The following BCL9 variants were observed in gnomAD, a reference collection of about 807,000 sequenced individuals.
The protein encoded by BCL9 is BCL9 transcription coactivator.
BCL9 carries 25 observed loss-of-function variants against 88.5 expected under a neutral mutation model. That is an observed-to-expected ratio of 0.28 (90% CI 0.21 to 0.39). The LOEUF (loss-of-function observed/expected upper bound fraction) is 0.39. BCL9 is among the 10% of genes least tolerant of loss of function. The pLI, the probability that BCL9 is intolerant of heterozygous loss-of-function variation, is 1.00. For synonymous variants in BCL9, 711 were observed against 673.3 expected (o/e 1.06, Z -0.87); for missense variants, 1,817 against 1,877.8 (o/e 0.97, Z 0.60).
chr1:147,575,263 G>T lies in BCL9; in HGVS notation c.-477-29514G>T, dbSNP rs1424956238. ...TCTTGCCTTGAGCATCACTCCTCTA[G>T]AAAGCTACTTCTGATCCCTAGACCA... On this transcript the variant is annotated intron_variant, in intron 1 of 9. Coordinates refer to ENST00000234739, the MANE Select transcript of BCL9 (RefSeq NM_004326.4). Among the ~76,000 whole-genome samples, 5 of 152,286 alleles carry T rather than the reference G, an allele frequency of 3.3e-5. No individual in the cohort carries two copies. The East Asian group carries it at 9.6e-4, about 29-fold the overall frequency.
In BCL9 at chr1:147,611,593, C is replaced by T; in HGVS notation, c.-244C>T. The T allele has an allele frequency of 3.7e-6, 2 of 543,190 alleles. No individual in the cohort carries two copies. The highest frequency in any genetic ancestry group is 2.6e-5 in the South Asian group (1 of 38,150). 33.6% of individuals were successfully genotyped at this position (543,190 alleles called of 1,614,324 possible). On this transcript the variant is annotated 5_prime_UTR_variant, in exon 4 of 10. The change creates a premature stop within an existing upstream ORF in the 5' untranslated region. Transcript: ENST00000234739. ...TTTCCTGTAGTATGCCCTGGAGATG[C>T]GAGATTTTCCTCTGGCAGCAGGAGG...
intron 7 of BCL9, among the ~76,000 whole-genome samples, chr1:147,616,963 A>T (rs1658313284): frequency 6.6e-6 from 1 of 152,218 alleles, no homozygotes; most frequent in African/African-American, 2.4e-5. Flanking sequence ...AAACATGGGA[A>T]AAGTTAATTG....
chr1:147,570,630 C>CTTTTCTTTTTT lies in BCL9; in HGVS notation c.-478+28960_-478+28961insCTTTTTTTTTT, dbSNP rs1357272075. 6.2e-3 allele frequency among the ~76,000 whole-genome samples: 94 copies of CTTTTCTTTTTT among 15,046 alleles called. 9 individuals carry two copies. The highest frequency in any genetic ancestry group is 0.029 in the Middle Eastern group (1 of 34). The allele number at this position is 15,046 out of a possible 152,430, so 9.9% of individuals were successfully genotyped here. On this transcript the variant is annotated intron_variant, in intron 1 of 9. Coordinates refer to ENST00000234739, the MANE Select transcript of BCL9 (RefSeq NM_004326.4). ...TAACACAAAATTGTTGACTGATTTT[C>CTTTTCTTTTTT]TTTTTTTTCTTTTTTTTTTTTGTAG... is the stretch of plus-strand genomic sequence containing the variant.
chr1:147,609,552 G>A (rs1657899307), intron 3 of BCL9, among the ~76,000 whole-genome samples: 1 of 152,230 alleles, frequency 6.6e-6, no homozygotes, highest in South Asian at 2.1e-4. Flanking sequence ...TAAAATGCCT[G>A]TCAATCAAAG....
At chr1:147,577,627 G>T (rs1204259126) in intron 1 of BCL9, among the ~76,000 whole-genome samples, 3 of 152,140 alleles carry the variant, frequency 2.0e-5, no homozygotes, top group Non-Finnish European at 2.9e-5. Context: ...AACCACTAGA[G>T]CTGGAACAAA....
intron 1 of BCL9, among the ~76,000 whole-genome samples, chr1:147,578,645 C>T (rs1331103081): frequency 6.6e-6 from 1 of 152,206 alleles, no homozygotes; most frequent in African/African-American, 2.4e-5. Flanking sequence ...TGACAATTTC[C>T]TACCCCTGGA....
In BCL9 at chr1:147,618,831, G is replaced by A; in HGVS notation, c.676G>A (p.Ala226Thr). The change falls in exon 8 of 10, where the codon GCC becomes ACC. Residue 226 changes from alanine to threonine, a missense_variant. By Grantham distance (58) the Ala-to-Thr change is moderately conservative. Coordinates refer to ENST00000234739, the MANE Select transcript of BCL9 (RefSeq NM_004326.4). The stretch of plus-strand genomic sequence containing the variant: ...TTGTCTTCAGAACACACAGATATCT[G>A]CCCTTCGGAATGATCCGAAACCTCT... ...STAPLNTQIS[A>T]LRNDPKPLPQ... is the part of the protein sequence containing the mutation. 1 of 1,554,502 alleles carries A rather than the reference G, an allele frequency of 6.4e-7. No homozygotes were observed. Among genetic ancestry groups the A allele is most frequent in the Non-Finnish European group, 8.7e-7 (1 of 1,152,490 alleles).
At chr1:147,622,219 T>G (rs1166012762) in intron 8 of BCL9, 52 bp from the exon 9 acceptor site, 1 of 1,608,684 alleles carries the variant, frequency 6.2e-7, no homozygotes, top group African/African-American at 1.3e-5. Context: ...CCAATACCCT[T>G]CAAAAGGAAT....
rs782489189 is a variant in BCL9, at chr1:147,619,032, G to C, written c.877G>C (p.Ala293Pro). The stretch of plus-strand genomic sequence containing the variant: ...ACTGATTCCTTCTGTAGGAAGTCCT[G>C]CCAGCTCCACTCCACTGCCCCCAGA... The part of the protein sequence containing the change: ...NKLIPSVGSP[A>P]SSTPLPPDGT... Residue 293 changes from alanine (A) to proline (P), a missense_variant, in exon 8 of 10, where the codon GCC (alanine) becomes CCC (proline). Ala to Pro is a conservative substitution (Grantham distance 27). This residue lies in a region of BCL9 where 1,228 missense variants were observed against 1,191.6 expected (regional missense o/e 1.03). Transcript: ENST00000234739. This position sits in a 1 kb window ranked among gnomAD's most constrained non-coding sequence, Gnocchi z 4.1. The C allele has an allele frequency of 4.3e-6, 7 of 1,609,882 alleles. No homozygotes were observed. The highest frequency in any genetic ancestry group is 1.7e-4 in the Middle Eastern group (1 of 6,044).
intron 1 of BCL9, among the ~76,000 whole-genome samples, chr1:147,556,105 T>C (rs1469095873): frequency 6.6e-6 from 1 of 152,042 alleles, no homozygotes; most frequent in Non-Finnish European, 1.5e-5. Context: ...TTTACAATTA[T>C]TTATTTATTT....
chr1:147,620,801 C>T lies in BCL9; in HGVS notation c.2646C>T (p.Asn882=). The T allele has an allele frequency of 6.2e-7, 1 of 1,614,176 alleles. No individual in the cohort carries two copies. Among genetic ancestry groups the T allele is most frequent in the Non-Finnish European group, 8.5e-7 (1 of 1,180,040 alleles). The change falls in exon 8 of 10, where the codon AAC becomes AAT. Residue 882 remains asparagine (N), a synonymous_variant. Coordinates refer to ENST00000234739, the MANE Select transcript of BCL9 (RefSeq NM_004326.4). ...CAATGCTGGGCTCGCCCTCGGGGAA[C>T]CTCAAGTCCCCCCAGACTCCATCGC... ...QSPMLGSPSG[N]LKSPQTPSQL... is the part of the protein sequence containing the mutation.
chr1:147,542,243 G>C (rs950476921), intron 1 of BCL9, among the ~76,000 whole-genome samples: 1 of 152,182 alleles, frequency 6.6e-6, no homozygotes, highest in African/African-American at 2.4e-5. Flanking sequence ...CCCCAGCCCA[G>C]ACTCTCCGAG....
At chr1:147,558,317 C>A (rs1178457892) in intron 1 of BCL9, among the ~76,000 whole-genome samples, 4 of 152,208 alleles carry the variant, frequency 2.6e-5, no homozygotes, top group Admixed American at 6.5e-5. Flanking sequence ...TTGCCCAGAA[C>A]TCAGAGCTAA....
chr1:147,553,126 A>C (rs1331845207), intron 1 of BCL9, among the ~76,000 whole-genome samples: 1 of 152,146 alleles, frequency 6.6e-6, no homozygotes, highest in African/African-American at 2.4e-5. Flanking sequence ...TTGTTCAGTT[A>C]TATTGAGTTT....
At chr1:147,594,127 G>C (rs1656951179) in intron 1 of BCL9, among the ~76,000 whole-genome samples, 1 of 152,164 alleles carries the variant, frequency 6.6e-6, no homozygotes, top group Admixed American at 6.5e-5. Flanking sequence ...AATTAGAAAG[G>C]AATAGACAAT....
chr1:147,570,730 G>A (rs1272381827), intron 1 of BCL9, among the ~76,000 whole-genome samples: 20 of 148,134 alleles, frequency 1.4e-4, no homozygotes, highest in Admixed American at 4.8e-4. Flanking sequence ...CTGCCTCCCG[G>A]GTTCAAGCGA....
intron 1 of BCL9, among the ~76,000 whole-genome samples, chr1:147,551,409 G>A (rs1654899709): frequency 6.6e-6 from 1 of 152,220 alleles, no homozygotes; most frequent in African/African-American, 2.4e-5. Flanking sequence ...TTGAATGAAG[G>A]ATAGTGGCAG....
rs73009886 is a variant in BCL9 at position 147,618,776 on chromosome 1, C to G, written c.661-40C>G. On this transcript the variant is annotated intron_variant, in intron 7 of 9. Transcript: ENST00000234739. Reference sequence around the variant, plus strand: ...TTGCTCTTTTAATTGCCCTTCTGTTCAGTTTACTAATGATTTTTAAACTAT... The same window carrying G: ...TTGCTCTTTTAATTGCCCTTCTGTTGAGTTTACTAATGATTTTTAAACTAT... 7.5e-6 allele frequency: 11 copies of G among 1,469,608 alleles called. No homozygotes were observed. The East Asian group carries it at 2.6e-4, about 35-fold the overall frequency. The allele number at this position is 1,469,608 out of a possible 1,614,324, so 91.0% of individuals were successfully genotyped here. A position where few individuals can be genotyped will look rare whatever the true frequency, so the allele number is the denominator to read the frequency against.
intron 1 of BCL9, among the ~76,000 whole-genome samples, chr1:147,581,739 T>C (rs1170797259): frequency 4.6e-5 from 7 of 152,172 alleles, no homozygotes; most frequent in African/African-American, 1.7e-4. Context: ...CTTTTTTTTC[T>C]TCCTGTGGTG....
Sources: gnomAD v4.1 joint callset for allele counts (sites outside exome capture counted in the v4.1 genomes callset) on GRCh38, gnomAD v4.1.1 for gene constraint, gnomAD v4.1.1 regional missense constraint, Gnocchi (gnomAD v3.1) non-coding constraint, MANE v1.5 for transcripts, NCBI Gene and HGNC (gene_info 2026-07-23, HGNC 2026-07-21) for gene names.